Variants in CDS1 observed in about 807,000 individuals in gnomAD.
CDS1 encodes phosphatidate cytidylyltransferase 1.
Under a neutral mutation model 62.1 loss-of-function variants are expected in CDS1, and 41 were observed. The ratio of observed to expected loss-of-function variants is 0.66; its 90% CI spans 0.51 to 0.86. The LOEUF is 0.86. CDS1 is among the 40% of genes least tolerant of loss of function. The probability of loss-of-function intolerance (pLI) is 0.00; values close to 1 mark genes in which losing one functional copy is unlikely to be tolerated. For synonymous variants in CDS1, 185 were observed against 192.6 expected (o/e 0.96, Z 0.32); for missense variants, 470 against 550.1 (o/e 0.85, Z 1.46).
chr4:84,611,669 G>A (rs1723328788), intron 3 of CDS1, among the ~76,000 whole-genome samples: 1 of 152,168 alleles, frequency 6.6e-6, no homozygotes, highest in African/African-American at 2.4e-5. Context: ...ATCAAGTAAT[G>A]AAAATGAATA....
chr4:84,634,661 G>C (rs1382800039), intron 7 of CDS1, among the ~76,000 whole-genome samples: 1 of 152,020 alleles, frequency 6.6e-6, no homozygotes, highest in African/African-American at 2.4e-5. Flanking sequence ...GTCTTTGTGT[G>C]TGTGTGTCTC....
chr4:84,597,671 A>G (rs759298822), intron 1 of CDS1, among the ~76,000 whole-genome samples: 7 of 152,188 alleles, frequency 4.6e-5, no homozygotes, highest in Admixed American at 6.5e-5. Flanking sequence ...ACTATTCTCT[A>G]TCATTGTAGA....
chr4:84,637,549 C>G (rs12644583), intron 8 of CDS1, among the ~76,000 whole-genome samples: 82,403 of 151,818 alleles, frequency 0.54, 22,776 homozygotes, highest in South Asian at 0.71. Flanking sequence ...ATTAGAAACC[C>G]CCTCCCTGAC....
intron 1 of CDS1, among the ~76,000 whole-genome samples, chr4:84,595,435 A>G (rs1253087227): frequency 2.0e-5 from 3 of 152,180 alleles, no homozygotes; most frequent in African/African-American, 7.2e-5. Context: ...TTCTACATAA[A>G]TAGTTGCATA....
At chr4:84,588,979 CA>C (rs1436681371) in intron 1 of CDS1, among the ~76,000 whole-genome samples, 1 of 152,126 alleles carries the variant, frequency 6.6e-6, no homozygotes, top group Non-Finnish European at 1.5e-5. Context: ...TAAATTCTTC[CA>C]AAGTTAGCTT....
In CDS1 at chr4:84,645,416, A is replaced by G. The variant is rs147675951; in HGVS notation, c.1256+91A>G. The G allele has an allele frequency of 1.1e-3, 812 of 757,972 alleles. 3 individuals are homozygous for G. Among genetic ancestry groups the G allele is most frequent in the African/African-American group, 6.6e-3 (382 of 57,572 alleles). The allele number at this position is 757,972 out of a possible 1,614,324, so 47.0% of individuals were successfully genotyped here. ...TTGAGTAAGTTAACTTTTTCCGTCAATGGTAATCTACAATATTAAAGTGAA... is the reference window on the plus strand; with the variant it reads ...TTGAGTAAGTTAACTTTTTCCGTCAGTGGTAATCTACAATATTAAAGTGAA... On this transcript the variant is annotated intron_variant, in intron 12 of 12. Transcript: ENST00000295887.
chr4:84,630,475 C>T (rs912634369), intron 5 of CDS1, among the ~76,000 whole-genome samples: 14 of 152,138 alleles, frequency 9.2e-5, no homozygotes, highest in Admixed American at 8.5e-4. Flanking sequence ...CCAAAAGTAG[C>T]GAAAGGCAGC....
chr4:84,588,124 C>A (rs146734067), intron 1 of CDS1, among the ~76,000 whole-genome samples: 15 of 152,240 alleles, frequency 9.9e-5, no homozygotes, highest in Admixed American at 7.2e-4. Context: ...ACTTGCTAGA[C>A]CCTGAAGTGG....
At chr4:84,640,256 T>A (rs1251983411) in intron 9 of CDS1, among the ~76,000 whole-genome samples, 3 of 151,086 alleles carry the variant, frequency 2.0e-5, no homozygotes, top group Non-Finnish European at 4.4e-5. Context: ...CTATTACTCA[T>A]TCTCGAGCAG....
intron 2 of CDS1, among the ~76,000 whole-genome samples, chr4:84,605,615 G>T (rs1723070533): frequency 6.6e-6 from 1 of 151,908 alleles, no homozygotes; most frequent in South Asian, 2.1e-4. Flanking sequence ...ATATAACTTT[G>T]CATTAAAATC....
chr4:84,635,136 G>C, intron 7 of CDS1, 128 bp from the exon 8 acceptor site: 1 of 590,920 alleles, frequency 1.7e-6, no homozygotes, highest in Non-Finnish European at 2.9e-6. Context: ...GTTATGTTCT[G>C]GGTAGGCTGC....
chr4:84,642,524 G>T (rs935304556), intron 10 of CDS1, among the ~76,000 whole-genome samples: 2 of 152,000 alleles, frequency 1.3e-5, no homozygotes, highest in African/African-American at 2.4e-5. Context: ...TCTCACTGAT[G>T]CTCATTTTGA....
chr4:84,619,799 G>A (rs1723619226), intron 5 of CDS1, among the ~76,000 whole-genome samples: 3 of 151,998 alleles, frequency 2.0e-5, no homozygotes, highest in African/African-American at 7.2e-5. Context: ...TTGGAAGGCT[G>A]AGGCAGGTGG....
intron 4 of CDS1, among the ~76,000 whole-genome samples, chr4:84,619,044 TACACACACACACACACACACAC>T (rs33991933): frequency 1.8e-4 from 26 of 140,896 alleles, no homozygotes; most frequent in African/African-American, 6.5e-4. Context: ...ATTAAATTTA[TACACACACACACACACACACAC>T]ACACACACAC....
chr4:84,595,892 C>A (rs1018622332), intron 1 of CDS1, among the ~76,000 whole-genome samples: 1 of 152,198 alleles, frequency 6.6e-6, no homozygotes, highest in African/African-American at 2.4e-5. Flanking sequence ...ATAGTGTGAT[C>A]TTAATGTATA....
At chr4:84,610,067 G>A (rs966197026) in intron 3 of CDS1, among the ~76,000 whole-genome samples, 1 of 151,978 alleles carries the variant, frequency 6.6e-6, no homozygotes, top group Non-Finnish European at 1.5e-5. Context: ...ATGACTATTA[G>A]CTAGATCCCT....
intron 3 of CDS1, among the ~76,000 whole-genome samples, chr4:84,612,904 G>A (rs564156562): frequency 2.7e-5 from 4 of 150,750 alleles, no homozygotes; most frequent in East Asian, 2.0e-4. Context: ...CAGGAGAATC[G>A]CTTGATCCTG....
rs1724632436 is a variant in CDS1, at chr4:84,648,913, A to T, written c.*227A>T. ...ATGTCTTGTACCTTTTCTAAAGTGTATTTTCTGATGTGAACTTCCTTCCCC... is the reference window on the plus strand; with the variant it reads ...ATGTCTTGTACCTTTTCTAAAGTGTTTTTTCTGATGTGAACTTCCTTCCCC... On this transcript the variant is annotated 3_prime_UTR_variant, in exon 13 of 13. Transcript: ENST00000295887. 2 of 383,876 alleles carry T rather than the reference A, an allele frequency of 5.2e-6. No homozygotes were observed. The highest frequency in any genetic ancestry group is 9.2e-6 in the Non-Finnish European group (2 of 217,092). 23.8% of individuals were successfully genotyped at this position (383,876 alleles called of 1,614,324 possible).
chr4:84,583,646 C>A, intron 1 of CDS1, 128 bp downstream of exon 1: 1 of 577,300 alleles, frequency 1.7e-6, no homozygotes. Flanking sequence ...GCACCTTCCT[C>A]CCTGCCTGGC....
Sources: gnomAD v4.1 joint callset for allele counts (sites outside exome capture counted in the v4.1 genomes callset) on GRCh38, gnomAD v4.1.1 for gene constraint, MANE v1.5 for transcripts, NCBI Gene and HGNC (gene_info 2026-07-23, HGNC 2026-07-21) for gene names.